The following RUNX1 variants were observed in gnomAD, a reference collection of about 807,000 sequenced individuals.
RUNX1 encodes the protein runt-related transcription factor 1.
In RUNX1, 19 loss-of-function variants were observed where a neutral mutation model predicts 42.8. The ratio of observed to expected loss-of-function variants is 0.44; its 90% confidence interval spans 0.31 to 0.65. The LOEUF is 0.65. RUNX1 is among the 30% of genes least tolerant of loss of function. RUNX1 has a pLI of 0.07. For synonymous variants in RUNX1, 271 were observed against 289.4 expected, an observed-to-expected ratio of 0.94 and a Z score of 0.64; for missense variants, 528 against 672.0, an observed-to-expected ratio of 0.79 and a Z score of 2.37.
At chr21:34,840,939 C>G (rs1192089211) in intron 6 of RUNX1, among the ~76,000 whole-genome samples, 1 of 152,168 alleles carries the variant, frequency 6.6e-6, no homozygotes, top group Non-Finnish European at 1.5e-5. Context: ...TGCTTTCACC[C>G]CTCCCCCTCT....
intron 2 of RUNX1, among the ~76,000 whole-genome samples, chr21:34,975,236 T>A (rs2058792542): frequency 2.6e-5 from 4 of 152,238 alleles, no homozygotes; most frequent in Non-Finnish European, 5.9e-5. Flanking sequence ...AGTTCTGCCC[T>A]CCGGGATATT....
intron 7 of RUNX1, among the ~76,000 whole-genome samples, chr21:34,799,834 A>G (rs1452705524): frequency 6.6e-6 from 1 of 152,230 alleles, no homozygotes; most frequent in Non-Finnish European, 1.5e-5. Flanking sequence ...AGCTTTGCCA[A>G]TAATTACAAT....
At chr21:34,985,569 C>T (rs890889877) in intron 2 of RUNX1, among the ~76,000 whole-genome samples, 3 of 152,198 alleles carry the variant, frequency 2.0e-5, no homozygotes, top group African/African-American at 7.2e-5. Context: ...AGGGCAACCA[C>T]ACACCAATCC....
intron 2 of RUNX1, among the ~76,000 whole-genome samples, chr21:35,027,110 G>A (rs1209141345): frequency 6.6e-6 from 1 of 152,170 alleles, no homozygotes; most frequent in Non-Finnish European, 1.5e-5. Flanking sequence ...CAGCCGCTGG[G>A]AGAGCATCAA....
At chr21:34,798,813 G>A (rs2056567018) in intron 8 of RUNX1, among the ~76,000 whole-genome samples, 1 of 152,032 alleles carries the variant, frequency 6.6e-6, no homozygotes, top group Non-Finnish European at 1.5e-5. Context: ...GAGCATCCAT[G>A]GGTTTTGGTA....
chr21:34,998,763 A>C (rs193133570), intron 2 of RUNX1, among the ~76,000 whole-genome samples: 5 of 152,218 alleles, frequency 3.3e-5, no homozygotes, highest in South Asian at 2.1e-4. Context: ...GGATGGTCTC[A>C]GTCTCCTGAC....
intron 2 of RUNX1, among the ~76,000 whole-genome samples, chr21:34,957,007 G>A (rs1008692391): frequency 3.9e-5 from 6 of 152,182 alleles, no homozygotes; most frequent in Non-Finnish European, 5.9e-5. Flanking sequence ...TGTGCCCCTA[G>A]GACAGGCACC....
At chr21:34,946,906 C>T (rs146724815) in intron 2 of RUNX1, among the ~76,000 whole-genome samples, 3 of 152,348 alleles carry the variant, frequency 2.0e-5, no homozygotes, top group African/African-American at 2.4e-5. Flanking sequence ...CACCTTCAGA[C>T]TCATGCACTT....
At chr21:34,864,096 G>A (rs1215494869) in intron 5 of RUNX1, among the ~76,000 whole-genome samples, 1 of 152,194 alleles carries the variant, frequency 6.6e-6, no homozygotes, top group African/African-American at 2.4e-5. Context: ...AGCAACGGGC[G>A]CACCTGACAG....
At chr21:34,937,265 T>C (rs2058492798) in intron 2 of RUNX1, among the ~76,000 whole-genome samples, 2 of 151,114 alleles carry the variant, frequency 1.3e-5, no homozygotes, top group South Asian at 4.2e-4. Flanking sequence ...TACTGTAATA[T>C]TTAAAAACAC....
intron 2 of RUNX1, among the ~76,000 whole-genome samples, chr21:34,944,662 A>C (rs2146644785): frequency 6.6e-6 from 1 of 152,338 alleles, no homozygotes. Flanking sequence ...GACAGATGGC[A>C]CATGCTGCAG....
chr21:35,037,535 T>G (rs11700684), intron 2 of RUNX1, among the ~76,000 whole-genome samples: 8,214 of 152,284 alleles, frequency 0.054, 309 homozygotes, highest in Non-Finnish European at 0.071. Context: ...AACTCCCTCA[T>G]GTGCCAAACA....
intron 2 of RUNX1, among the ~76,000 whole-genome samples, chr21:34,895,595 G>T (rs542868486): frequency 7.9e-5 from 12 of 152,096 alleles, no homozygotes; most frequent in African/African-American, 2.9e-4. Context: ...GGGAGGTGAC[G>T]GTGGGGTGGG....
At chr21:34,937,669 C>T (rs941246217) in intron 2 of RUNX1, among the ~76,000 whole-genome samples, 2 of 150,890 alleles carry the variant, frequency 1.3e-5, no homozygotes, top group African/African-American at 4.9e-5. Flanking sequence ...TCTTTTATAC[C>T]TGCTTCTATG....
chr21:34,849,377 A>AT (rs1555892765), intron 6 of RUNX1, among the ~76,000 whole-genome samples: 3 of 47,798 alleles, frequency 6.3e-5, no homozygotes, highest in South Asian at 1.0e-3. Context: ...TATATACTAT[A>AT]TACATAGTAT....
rs2146236928 is a variant in RUNX1, at chr21:34,859,574, T to C, written c.513A>G (p.Lys171=). 1.2e-6 allele frequency: 2 copies of C among 1,613,510 alleles called. No individual in the cohort carries two copies. Among genetic ancestry groups the C allele is most frequent in the South Asian group, 1.1e-5 (1 of 91,068 alleles). Reference sequence around the variant, plus strand: ...AGACAGTGATGGTCAGAGTGAAGCTTTTCCCTGTGGGGACACGATAGAGAA... The same window carrying C: ...AGACAGTGATGGTCAGAGTGAAGCTCTTCCCTGTGGGGACACGATAGAGAA... ...LRFVGRSGRG[K]SFTLTITVFT... is the part of the protein sequence containing the mutation. Residue 171 remains lysine (K), a synonymous_variant, in exon 6 of 9, where the codon AAA becomes AAG. Transcript: ENST00000675419.
chr21:34,956,187 A>G (rs2146686284), intron 2 of RUNX1, among the ~76,000 whole-genome samples: 1 of 152,254 alleles, frequency 6.6e-6, no homozygotes, highest in East Asian at 1.9e-4. Flanking sequence ...GTGGAGTGAG[A>G]TGGATTTCCA....
At chr21:34,878,360 A>AAATAT (rs1555898235) in intron 5 of RUNX1, among the ~76,000 whole-genome samples, 1 of 133,414 alleles carries the variant, frequency 7.5e-6, no homozygotes, top group Admixed American at 7.3e-5. Context: ...AAAAAAAAAA[A>AAATAT]ATATATATAT....
At chr21:35,034,700 C>G (rs1340091545) in intron 2 of RUNX1, among the ~76,000 whole-genome samples, 1 of 152,190 alleles carries the variant, frequency 6.6e-6, no homozygotes, top group African/African-American at 2.4e-5. Context: ...GTCCCCTCAA[C>G]AGAGAATGAT....
Sources: gnomAD v4.1 joint callset for allele counts (sites outside exome capture counted in the v4.1 genomes callset) on GRCh38, gnomAD v4.1.1 for gene constraint, MANE v1.5 for transcripts, NCBI Gene and HGNC (gene_info 2026-07-23, HGNC 2026-07-21) for gene names.